Variants in FCHSD2 observed in about 807,000 individuals in gnomAD.
The protein encoded by FCHSD2 is FCH and double SH3 domains 2.
Under a neutral mutation model 108.1 loss-of-function variants are expected in FCHSD2, and 38 were observed. The observed-to-expected ratio is 0.35, with a 90% CI of 0.27 to 0.46. The LOEUF (loss-of-function observed/expected upper bound fraction) is 0.46. Ranked by LOEUF, FCHSD2 falls within the 20% of genes least tolerant of loss-of-function variation. The probability of loss-of-function intolerance (pLI) is 1.00; values close to 1 mark genes in which losing one functional copy is unlikely to be tolerated. For missense variants in FCHSD2, 751 were observed against 897.8 expected (o/e 0.84, Z 2.09); for synonymous variants, 279 against 314.7 (o/e 0.89, Z 1.20).
chr11:72,958,352 T>C (rs1457478012), intron 8 of FCHSD2, among the ~76,000 whole-genome samples: 1 of 152,038 alleles, frequency 6.6e-6, no homozygotes, highest in Non-Finnish European at 1.5e-5. Flanking sequence ...ACTCTGTCTC[T>C]ATCAAAAACA....
chr11:72,849,729 T>C (rs1287277319), intron 14 of FCHSD2, 26 bp downstream of exon 14: 2 of 1,566,232 alleles, frequency 1.3e-6, no homozygotes, highest in Non-Finnish European at 1.8e-6. Flanking sequence ...CAGAATTTAA[T>C]AACATTATGT....
intron 2 of FCHSD2, among the ~76,000 whole-genome samples, chr11:73,112,586 G>C (rs959717847): frequency 6.6e-6 from 1 of 152,064 alleles, no homozygotes; most frequent in East Asian, 1.9e-4. Context: ...TTTCTACTCT[G>C]ATCTCTCTCC....
Position 73,080,296 on chromosome 11 carries a change from C to T in FCHSD2, c.165+3399G>A, listed in dbSNP as rs113549727. Among the ~76,000 whole-genome samples the T allele has an allele frequency of 3.9e-3, 206 of 52,304 alleles. 1 individual carries two copies. The highest frequency in any genetic ancestry group is 0.011 in the African/African-American group (193 of 17,244). 34.3% of individuals were successfully genotyped at this position (52,304 alleles called of 152,430 possible). On this transcript the variant is annotated intron_variant, in intron 3 of 19. Coordinates refer to ENST00000409418, the MANE Select transcript of FCHSD2 (RefSeq NM_014824.3). Reference sequence around the variant, plus strand: ...TGGGTGATAGAGCAAGACCCTGTCTCAAAAAAAAAAAAAAAAAAAAAAAGA... The same window carrying T: ...TGGGTGATAGAGCAAGACCCTGTCTTAAAAAAAAAAAAAAAAAAAAAAAGA...
intron 8 of FCHSD2, among the ~76,000 whole-genome samples, chr11:72,935,007 T>C (rs1468773159): frequency 1.3e-5 from 2 of 152,150 alleles, no homozygotes; most frequent in African/African-American, 4.8e-5. Flanking sequence ...ACACATTACC[T>C]CTGCCCTCTT....
At chr11:72,977,793 C>T (rs1857131676) in intron 8 of FCHSD2, among the ~76,000 whole-genome samples, 1 of 152,194 alleles carries the variant, frequency 6.6e-6, no homozygotes, top group Non-Finnish European at 1.5e-5. Flanking sequence ...TACCATTTGA[C>T]CGAGCAATCC....
intron 3 of FCHSD2, among the ~76,000 whole-genome samples, chr11:73,051,099 T>C (rs1660125107): frequency 6.6e-6 from 1 of 152,202 alleles, no homozygotes; most frequent in Non-Finnish European, 1.5e-5. Context: ...GAGGATCGCT[T>C]GAATCCAAGA....
chr11:73,111,401 T>TA (rs1860481408), intron 2 of FCHSD2, among the ~76,000 whole-genome samples: 2 of 152,174 alleles, frequency 1.3e-5, no homozygotes, highest in South Asian at 4.1e-4. Flanking sequence ...TTTTGTCTGA[T>TA]ATATGCATAG....
At position 72,921,185 on chromosome 11, in the gene FCHSD2, T is replaced by C. The variant is rs148479323; in HGVS notation, c.828+643A>G. Among the ~76,000 whole-genome samples, 452 of 152,326 alleles carry C rather than the reference T, an allele frequency of 3.0e-3. 1 individual carries two copies. The East Asian group carries it at 0.047, about 16-fold the overall frequency. On this transcript the variant is annotated intron_variant, in intron 9 of 19. Transcript: ENST00000409418. ...TTTATTGTGAATTTAATTTATCAGA[T>C]AAAAAACATTTGCCAACCACAGGAA...
chr11:73,023,934 A>T (rs923778956), intron 3 of FCHSD2, among the ~76,000 whole-genome samples: 1 of 152,242 alleles, frequency 6.6e-6, no homozygotes, highest in African/African-American at 2.4e-5. Context: ...TTCCATTCAT[A>T]TGACATTCTG....
intron 3 of FCHSD2, among the ~76,000 whole-genome samples, chr11:73,044,815 A>G (rs1361423710): frequency 6.6e-6 from 1 of 152,198 alleles, no homozygotes; most frequent in Non-Finnish European, 1.5e-5. Flanking sequence ...TCACGCCTGT[A>G]ATCCCAGTAC....
At chr11:73,127,700 G>A (rs908018035) in intron 2 of FCHSD2, among the ~76,000 whole-genome samples, 2 of 152,086 alleles carry the variant, frequency 1.3e-5, no homozygotes, top group African/African-American at 4.8e-5. Context: ...TTATTAAGGG[G>A]CAAATTATTC....
chr11:73,061,025 T>C (rs944613714), intron 3 of FCHSD2, among the ~76,000 whole-genome samples: 1 of 152,208 alleles, frequency 6.6e-6, no homozygotes, highest in East Asian at 1.9e-4. Context: ...GCTGGCAAGA[T>C]GGCCAAATAG....
intron 8 of FCHSD2, among the ~76,000 whole-genome samples, chr11:72,964,203 T>C (rs56133665): frequency 0.022 from 3,326 of 152,196 alleles, 84 homozygotes; most frequent in African/African-American, 0.059. Flanking sequence ...CAAAAACAAA[T>C]ATATCCTGAC....
chr11:73,079,899 T>C (rs1436128323), intron 3 of FCHSD2, among the ~76,000 whole-genome samples: 1 of 152,196 alleles, frequency 6.6e-6, no homozygotes, highest in Non-Finnish European at 1.5e-5. Flanking sequence ...GATTACTTTA[T>C]AAAAATTTTA....
At chr11:72,855,657 C>T (rs1861409994) in intron 13 of FCHSD2, among the ~76,000 whole-genome samples, 1 of 152,110 alleles carries the variant, frequency 6.6e-6, no homozygotes, top group South Asian at 2.1e-4. Context: ...AATTTTTTAA[C>T]CCAGTTTCAA....
chr11:73,004,341 G>A (rs1402004423), intron 4 of FCHSD2, among the ~76,000 whole-genome samples: 11 of 152,040 alleles, frequency 7.2e-5, no homozygotes, highest in Admixed American at 5.9e-4. Flanking sequence ...CACCTCCATG[G>A]TCATAACCTA....
intron 2 of FCHSD2, among the ~76,000 whole-genome samples, chr11:73,086,253 A>G (rs1287848577): frequency 6.6e-6 from 1 of 152,166 alleles, no homozygotes; most frequent in Non-Finnish European, 1.5e-5. Flanking sequence ...TACTAAAAAT[A>G]CAAAAATTAG....
intron 2 of FCHSD2, among the ~76,000 whole-genome samples, chr11:73,126,735 G>T (rs1860868671): frequency 1.3e-5 from 2 of 151,914 alleles, no homozygotes; most frequent in Admixed American, 1.3e-4. Flanking sequence ...ACACAAAAAA[G>T]AACATACAAT....
At position 72,849,881 on chromosome 11, in the gene FCHSD2, T is replaced by C. The variant is rs1390869418; in HGVS notation, c.1317A>G (p.Ala439=). The C allele has an allele frequency of 1.2e-6, 2 of 1,608,456 alleles. No individual in the cohort carries two copies. The highest frequency in any genetic ancestry group is 1.7e-6 in the Non-Finnish European group (2 of 1,178,336). ...CTTCGCCTTCTTCTCTTTCGGTATCTGCATTAAGCTAAGAAAAATTAGAAA... is the reference window on the plus strand; with the variant it reads ...CTTCGCCTTCTTCTCTTTCGGTATCCGCATTAAGCTAAGAAAAATTAGAAA... The part of the protein sequence containing the change: ...TSNGTLHSLN[A]DTEREEGEEF... The change falls in exon 14 of 20, where the codon GCA becomes GCG. Residue 439 remains alanine (A), a synonymous_variant. Transcript: ENST00000409418.
Sources: allele counts gnomAD v4.1 joint callset (sites outside exome capture counted in the v4.1 genomes callset), GRCh38; gene constraint gnomAD v4.1.1; transcripts MANE v1.5; gene names NCBI Gene and HGNC (gene_info 2026-07-23, HGNC 2026-07-21).